SNHG17: variants seen among roughly 807,000 people sequenced by gnomAD.
SNHG17 encodes small nucleolar RNA host gene 17.
In SNHG17 at chr20:38,426,806, C is replaced by T. The variant is rs934783238; in HGVS notation, n.381-303G>A. Among the ~76,000 whole-genome samples the T allele has an allele frequency of 1.1e-4, 16 of 150,690 alleles. 1 individual carries two copies. Among genetic ancestry groups the T allele is most frequent in the Admixed American group, 1.0e-3 (15 of 15,060 alleles). Reference sequence around the variant, plus strand: ...GACACCAATGCACACCTCAGAGGGTCGAGAGAACAGGCGAAACTCTTGGGT... The same window carrying T: ...GACACCAATGCACACCTCAGAGGGTTGAGAGAACAGGCGAAACTCTTGGGT... On this transcript the variant is annotated intron_variant and non_coding_transcript_variant, in intron 3 of 8. Coordinates refer to ENST00000654008, the Ensembl canonical transcript of SNHG17.
chr20:38,428,453 C>T (rs1005020543), intron 3 of SNHG17: 8 of 152,318 alleles, frequency 5.3e-5, no homozygotes, highest in African/African-American at 1.7e-4. Flanking sequence ...GGACAAGAAA[C>T]CTTACCTCGG....
At chr20:38,425,399 A>G (rs1445394185) in intron 5 of SNHG17, 4 of 478,928 alleles carry the variant, frequency 8.4e-6, no homozygotes, top group African/African-American at 3.9e-5. Flanking sequence ...GCCCAAACTA[A>G]GAGACCTGGA....
intron 3 of SNHG17, chr20:38,428,351 C>T (rs900781115): frequency 6.6e-6 from 1 of 152,196 alleles, no homozygotes; most frequent in Non-Finnish European, 1.5e-5. Context: ...GGCTCCTCTT[C>T]TCATCCTCAC....
At chr20:38,433,632 C>T (rs1186115289) in intron 2 of SNHG17, among the ~76,000 whole-genome samples, 1 of 152,214 alleles carries the variant, frequency 6.6e-6, no homozygotes, top group Non-Finnish European at 1.5e-5. Context: ...ACTCAAGACA[C>T]TGTCCTCAAG....
chr20:38,434,993 G>T, intron 1 of SNHG17: 1 of 1,229,462 alleles, frequency 8.1e-7, no homozygotes, highest in Non-Finnish European at 1.0e-6. Context: ...CACGTGGCCC[G>T]CTCAGCACTG....
intron 3 of SNHG17, chr20:38,427,491 C>T (rs750109173): frequency 2.1e-6 from 1 of 480,582 alleles, no homozygotes; most frequent in Non-Finnish European, 4.2e-6. Flanking sequence ...GGTGCCAGGG[C>T]CTGTGGGATG....
At chr20:38,425,716 T>C (rs2084235176) in intron 5 of SNHG17, among the ~76,000 whole-genome samples, 2 of 152,106 alleles carry the variant, frequency 1.3e-5, no homozygotes, top group Admixed American at 6.5e-5. Context: ...CAACTCTGGG[T>C]GAAATGTTGA....
At chr20:38,422,461 T>C (rs2084172337) in intron 5 of SNHG17, among the ~76,000 whole-genome samples, 1 of 152,188 alleles carries the variant, frequency 6.6e-6, no homozygotes, top group Non-Finnish European at 1.5e-5. Context: ...TACAGCCACA[T>C]TATTGTCTCA....
At chr20:38,431,639 A>G (rs1005532057) in intron 2 of SNHG17, among the ~76,000 whole-genome samples, 2 of 152,222 alleles carry the variant, frequency 1.3e-5, no homozygotes, top group African/African-American at 4.8e-5. Context: ...AAATCACCTC[A>G]GCGTACTCCT....
At chr20:38,433,838 G>A (rs1441406972) in intron 2 of SNHG17, 1 of 519,072 alleles carries the variant, frequency 1.9e-6, no homozygotes, top group Non-Finnish European at 3.8e-6. Context: ...AGTGCCAGGA[G>A]GCATTTGAAA....
intron 5 of SNHG17, among the ~76,000 whole-genome samples, chr20:38,423,213 A>G (rs531830451): frequency 9.2e-5 from 14 of 151,720 alleles, no homozygotes; most frequent in African/African-American, 3.4e-4. Context: ...CCTGGGCAAC[A>G]TCGCGAAACC....
intron 2 of SNHG17, chr20:38,434,357 G>C (rs577744903): frequency 8.7e-6 from 2 of 229,944 alleles, no homozygotes; most frequent in East Asian, 2.6e-4. Context: ...CCCAAGCGCA[G>C]CCCGTCTCCT....
intron 2 of SNHG17, chr20:38,431,230 G>A (rs1219496905): frequency 2.0e-5 from 3 of 152,258 alleles, no homozygotes; most frequent in Non-Finnish European, 2.9e-5. Context: ...GTCTCAGGAG[G>A]TGAATGTACT....
chr20:38,430,522 G>A (rs2122719030), intron 3 of SNHG17, among the ~76,000 whole-genome samples: 1 of 151,954 alleles, frequency 6.6e-6, no homozygotes, highest in Non-Finnish European at 1.5e-5. Flanking sequence ...TCAGGAGACT[G>A]AGGCAGGGAG....
intron 2 of SNHG17, chr20:38,432,147 G>A: frequency 2.0e-6 from 2 of 985,476 alleles, no homozygotes; most frequent in Non-Finnish European, 2.4e-6. Context: ...AAAGGACAAG[G>A]AGAGTACTGG....
At chr20:38,422,765 G>T (rs905404678) in intron 5 of SNHG17, among the ~76,000 whole-genome samples, 3 of 151,768 alleles carry the variant, frequency 2.0e-5, no homozygotes, top group African/African-American at 7.3e-5. Flanking sequence ...ACACACACAC[G>T]CACACACAAC....
chr20:38,428,399 G>C (rs1434129891), intron 3 of SNHG17: 1 of 152,216 alleles, frequency 6.6e-6, no homozygotes, highest in East Asian at 1.9e-4. Flanking sequence ...AGAAAAAAAG[G>C]GGACGTGACT....
intron 2 of SNHG17, chr20:38,434,454 G>C: frequency 1.1e-5 from 2 of 173,958 alleles, no homozygotes; most frequent in South Asian, 2.5e-4. Context: ...CCTCTACTGC[G>C]TCCCACAGAA....
chr20:38,432,247 G>A (rs73905617), intron 2 of SNHG17: 98,299 of 807,186 alleles, frequency 0.12, 6,337 homozygotes, highest in Non-Finnish European at 0.13. Context: ...AGTTCATCTA[G>A]AGAAGAACCA....
Sources: gnomAD v4.1 joint callset for allele counts (sites outside exome capture counted in the v4.1 genomes callset) on GRCh38, gnomAD v4.1.1 for gene constraint, MANE v1.5 for transcripts, NCBI Gene and HGNC (gene_info 2026-07-23, HGNC 2026-07-21) for gene names.